The following SNTG1 variants were observed in gnomAD, a reference collection of about 807,000 sequenced individuals.
The protein encoded by SNTG1 is gamma-1-syntrophin.
SNTG1 carries 39 observed loss-of-function variants against 74.7 expected under a neutral mutation model. The ratio of observed to expected loss-of-function variants is 0.52; its 90% CI spans 0.40 to 0.68. SNTG1 has a LOEUF of 0.68. Ranked by LOEUF, SNTG1 falls within the 30% of genes least tolerant of loss-of-function variation. The pLI is 0.00. For synonymous variants in SNTG1, 254 were observed against 217.1 expected (o/e 1.17, Z -1.49); for missense variants, 685 against 609.5 (o/e 1.12, Z -1.30).
intron 12 of SNTG1, among the ~76,000 whole-genome samples, chr8:50,553,694 G>A (rs796348740): frequency 2.6e-5 from 4 of 151,998 alleles, no homozygotes; most frequent in African/African-American, 7.2e-5. Flanking sequence ...CACTACAACC[G>A]TTGCTTCCTT....
intron 13 of SNTG1, among the ~76,000 whole-genome samples, chr8:50,650,789 C>T (rs541124051): frequency 1.3e-5 from 2 of 152,222 alleles, no homozygotes; most frequent in African/African-American, 4.8e-5. Context: ...CAACCTCCAC[C>T]TTCTGGGTTC....
chr8:50,241,770 A>G (rs553846539), intron 2 of SNTG1, among the ~76,000 whole-genome samples: 2 of 152,322 alleles, frequency 1.3e-5, no homozygotes, highest in African/African-American at 2.4e-5. Flanking sequence ...GATTCATGCC[A>G]GATGGGATGA....
chr8:49,916,396 T>G (rs891198852), intron 1 of SNTG1, among the ~76,000 whole-genome samples: 1 of 152,174 alleles, frequency 6.6e-6, no homozygotes, highest in African/African-American at 2.4e-5. Context: ...AATTTGGTCT[T>G]CAATTTGTCA....
intron 13 of SNTG1, among the ~76,000 whole-genome samples, chr8:50,628,487 C>T (rs902260771): frequency 1.3e-5 from 2 of 152,102 alleles, no homozygotes; most frequent in Non-Finnish European, 2.9e-5. Flanking sequence ...CTTTGCTTCT[C>T]TTCCAGAACT....
At chr8:50,603,134 A>T (rs1287585457) in intron 13 of SNTG1, among the ~76,000 whole-genome samples, 1 of 152,098 alleles carries the variant, frequency 6.6e-6, no homozygotes, top group African/African-American at 2.4e-5. Flanking sequence ...CTTCTCTTTC[A>T]GACCAATAAC....
intron 1 of SNTG1, among the ~76,000 whole-genome samples, chr8:50,016,397 C>T (rs1175986074): frequency 1.3e-5 from 2 of 152,094 alleles, no homozygotes; most frequent in Admixed American, 6.6e-5. Context: ...GCTTCAAATG[C>T]CAAAGGACCA....
chr8:50,567,389 T>C (rs1585707249), intron 12 of SNTG1, among the ~76,000 whole-genome samples: 1 of 152,162 alleles, frequency 6.6e-6, no homozygotes, highest in African/African-American at 2.4e-5. Flanking sequence ...TAAAGGAATC[T>C]CCTCTTTGAT....
chr8:50,522,108 T>C (rs1035378842), intron 9 of SNTG1, among the ~76,000 whole-genome samples: 1 of 152,198 alleles, frequency 6.6e-6, no homozygotes, highest in Non-Finnish European at 1.5e-5. Flanking sequence ...CAGCTGTCCC[T>C]GTATTAAATA....
intron 13 of SNTG1, among the ~76,000 whole-genome samples, chr8:50,598,641 C>A (rs2094749109): frequency 6.6e-6 from 1 of 151,940 alleles, no homozygotes; most frequent in South Asian, 2.1e-4. Flanking sequence ...ATAAGGATTT[C>A]ATTAAATATG....
intron 1 of SNTG1, among the ~76,000 whole-genome samples, chr8:50,019,233 G>T (rs1409588799): frequency 6.6e-6 from 1 of 152,062 alleles, no homozygotes; most frequent in African/African-American, 2.4e-5. Flanking sequence ...TGTGAAATGT[G>T]TCTCAGTAAA....
chr8:49,916,062 A>G lies in SNTG1; in HGVS notation c.-103+3831A>G, dbSNP rs1439867843. 3.3e-5 allele frequency among the ~76,000 whole-genome samples: 5 copies of G among 152,292 alleles called. No homozygotes were observed. The East Asian group carries it at 9.6e-4, about 29-fold the overall frequency. ...AATATACTGACAGTATTCTTAGGAA[A>G]TATAAGTCAATGTTTGGTGTTACAG... On this transcript the variant is annotated intron_variant, in intron 1 of 18. Transcript: ENST00000642720.
chr8:50,194,405 A>G (rs1173776843), intron 2 of SNTG1, among the ~76,000 whole-genome samples: 9 of 151,842 alleles, frequency 5.9e-5, no homozygotes, highest in Admixed American at 3.9e-4. Context: ...AGGAAGTTGT[A>G]TTTTTCCAGG....
rs372947390 is a variant in SNTG1 at position 50,658,586 on chromosome 8, T to C, written c.967-6T>C. On this transcript the variant is annotated splice_polypyrimidine_tract_variant and splice_region_variant and intron_variant, in intron 14 of 18. Coordinates refer to ENST00000642720, the MANE Select transcript of SNTG1 (RefSeq NM_018967.5). ...AAATTAAACATTATTTTCTTATCTT[T>C]TAAAGGTGACCACCTGGGACTGGAC... 2.2e-4 allele frequency: 350 copies of C among 1,591,140 alleles called. No individual in the cohort carries two copies. Among genetic ancestry groups the C allele is most frequent in the Non-Finnish European group, 2.9e-4 (338 of 1,163,226 alleles).
intron 9 of SNTG1, among the ~76,000 whole-genome samples, chr8:50,512,438 A>G (rs1046804351): frequency 2.0e-5 from 3 of 151,998 alleles, no homozygotes; most frequent in African/African-American, 7.2e-5. Context: ...TGTTCTCTGT[A>G]TTTCCTGAAT....
chr8:50,696,265 C>G (rs933004395), intron 15 of SNTG1, among the ~76,000 whole-genome samples: 10 of 151,868 alleles, frequency 6.6e-5, no homozygotes, highest in African/African-American at 1.4e-4. Context: ...TGTATGTTTT[C>G]TTTTGACAAA....
In SNTG1 at chr8:50,555,499, T is replaced by C. The variant is rs187661956; in HGVS notation, c.810+2320T>C. Among the ~76,000 whole-genome samples the C allele has an allele frequency of 4.2e-3, 641 of 152,310 alleles. 9 individuals are homozygous for C. Among genetic ancestry groups the C allele is most frequent in the African/African-American group, 0.014 (580 of 41,570 alleles). On this transcript the variant is annotated intron_variant, in intron 12 of 18. Coordinates refer to ENST00000642720, the MANE Select transcript of SNTG1 (RefSeq NM_018967.5). ...AAAGAAATTAGGCAGAAAGAGTAGC[T>C]AGGAAAGTTTTGCTTAGGTTAGTTA...
chr8:50,339,387 T>A (rs1440552763), intron 2 of SNTG1, among the ~76,000 whole-genome samples: 1 of 151,928 alleles, frequency 6.6e-6, no homozygotes, highest in Non-Finnish European at 1.5e-5. Context: ...AAAAACAAGA[T>A]CTTGTTTATA....
intron 12 of SNTG1, among the ~76,000 whole-genome samples, chr8:50,584,491 T>G (rs907863652): frequency 6.6e-6 from 1 of 150,874 alleles, no homozygotes; most frequent in African/African-American, 2.4e-5. Flanking sequence ...CATTGTGGTT[T>G]TGATTTACAT....
chr8:49,914,088 T>A (rs555464108), intron 1 of SNTG1, among the ~76,000 whole-genome samples: 1 of 152,148 alleles, frequency 6.6e-6, no homozygotes, highest in African/African-American at 2.4e-5. Context: ...TGTCCTTACA[T>A]TGAGATAGAG....
Sources: allele counts gnomAD v4.1 joint callset (sites outside exome capture counted in the v4.1 genomes callset), GRCh38; gene constraint gnomAD v4.1.1; transcripts MANE v1.5; gene names NCBI Gene and HGNC (gene_info 2026-07-23, HGNC 2026-07-21).